IL1RAPL1: variants seen among roughly 807,000 people sequenced by gnomAD.
IL1RAPL1 encodes the protein interleukin-1 receptor accessory protein-like 1.
IL1RAPL1 carries 3 observed loss-of-function variants against 48.4 expected under a neutral mutation model. The observed-to-expected ratio is 0.06, with a 90% CI of 0.03 to 0.16. IL1RAPL1 has a LOEUF of 0.16. IL1RAPL1 is among the 10% of genes least tolerant of loss of function. IL1RAPL1 has a pLI of 1.00. For synonymous variants in IL1RAPL1, 185 were observed against 187.7 expected (o/e 0.99, Z 0.12); for missense variants, 349 against 530.6 (o/e 0.66, Z 3.36).
chrX:29,859,263 T>C (rs1931532060), intron 6 of IL1RAPL1, among the ~76,000 whole-genome samples: 1 of 111,957 alleles, frequency 8.9e-6, no homozygotes, highest in South Asian at 3.7e-4. Flanking sequence ...TAGGCTCAAC[T>C]ATTTATCCTC....
chrX:28,819,756 C>T (rs1433835740), intron 2 of IL1RAPL1, among the ~76,000 whole-genome samples: 1 of 107,028 alleles, frequency 9.3e-6, no homozygotes, highest in Admixed American at 1.0e-4. Context: ...AGGATAACTC[C>T]AGAGGCAAAA....
intron 5 of IL1RAPL1, among the ~76,000 whole-genome samples, chrX:29,561,954 C>T: frequency 9.0e-6 from 1 of 111,283 alleles, no homozygotes; most frequent in East Asian, 2.8e-4. Flanking sequence ...CTGGGAGAGA[C>T]AGTTATGTTT....
intron 6 of IL1RAPL1, among the ~76,000 whole-genome samples, chrX:29,797,888 CAAAA>C (rs1192815590): frequency 9.0e-6 from 1 of 110,881 alleles, no homozygotes; most frequent in African/African-American, 3.3e-5. Flanking sequence ...CAAAACAAAA[CAAAA>C]CAAAAACCAA....
At chrX:28,677,080 T>C (rs1935005934) in intron 1 of IL1RAPL1, among the ~76,000 whole-genome samples, 1 of 112,041 alleles carries the variant, frequency 8.9e-6, no homozygotes, top group Non-Finnish European at 1.9e-5. Context: ...ACATATAAAT[T>C]ATATTACTTA....
At chrX:29,857,567 C>T (rs1337456336) in intron 6 of IL1RAPL1, among the ~76,000 whole-genome samples, 1 of 111,894 alleles carries the variant, frequency 8.9e-6, no homozygotes, top group Non-Finnish European at 1.9e-5. Flanking sequence ...CTTATGCCTC[C>T]TTCATCTCCC....
In IL1RAPL1 at chrX:28,960,288, A is replaced by G. The variant is rs1333251545; in HGVS notation, c.82+170863A>G. 5.4e-5 allele frequency among the ~76,000 whole-genome samples: 6 copies of G among 111,553 alleles called. No individual in the cohort carries two copies. In the East Asian group the frequency reaches 1.7e-3, roughly 32 times the overall value. On this transcript the variant is annotated intron_variant, in intron 2 of 10. Transcript: ENST00000378993. The stretch of plus-strand genomic sequence containing the variant: ...TGACGTCATGATAAGTTCAAAAAGC[A>G]TTAGGAAAAGGGGGTTTAGCATTTT...
intron 6 of IL1RAPL1, among the ~76,000 whole-genome samples, chrX:29,786,730 G>T (rs756233106): frequency 1.1e-4 from 12 of 111,624 alleles, no homozygotes; most frequent in Admixed American, 2.9e-4. Context: ...GCAAATCAGG[G>T]TATCTTGACT....
intron 5 of IL1RAPL1, among the ~76,000 whole-genome samples, chrX:29,530,736 A>G (rs1935603991): frequency 8.9e-6 from 1 of 112,123 alleles, no homozygotes; most frequent in South Asian, 3.7e-4. Flanking sequence ...GTGAGGCAGA[A>G]ATCTGCTGAA....
intron 2 of IL1RAPL1, among the ~76,000 whole-genome samples, chrX:29,168,329 TTCCCAA>T (rs1929827661): frequency 9.3e-6 from 1 of 107,003 alleles, no homozygotes; most frequent in Non-Finnish European, 1.9e-5. Context: ...CTAATAACCT[TTCCCAA>T]GAACCCCCTC....
At chrX:29,372,489 G>C (rs757314100) in intron 3 of IL1RAPL1, among the ~76,000 whole-genome samples, 1 of 111,673 alleles carries the variant, frequency 9.0e-6, no homozygotes, top group East Asian at 2.8e-4. Context: ...TTATTTGTCA[G>C]TGCCCATGTT....
At chrX:28,678,683 C>T (rs1935026345) in intron 1 of IL1RAPL1, among the ~76,000 whole-genome samples, 1 of 111,267 alleles carries the variant, frequency 9.0e-6, no homozygotes, top group African/African-American at 3.3e-5. Context: ...CATGTTAACC[C>T]TGAAAGCTGA....
At chrX:28,936,515 G>C (rs1380291681) in intron 2 of IL1RAPL1, among the ~76,000 whole-genome samples, 1 of 110,188 alleles carries the variant, frequency 9.1e-6, no homozygotes, top group East Asian at 2.9e-4. Context: ...ATCTCAAAAA[G>C]TGAGCCCCTG....
chrX:28,991,823 C>T (rs908426023), intron 2 of IL1RAPL1, among the ~76,000 whole-genome samples: 13 of 111,969 alleles, frequency 1.2e-4, no homozygotes, highest in East Asian at 2.8e-4. Flanking sequence ...GCACAGGTAG[C>T]GTTTATTTAA....
chrX:28,782,925 C>T (rs1272301955), intron 1 of IL1RAPL1, among the ~76,000 whole-genome samples: 2 of 111,131 alleles, frequency 1.8e-5, no homozygotes, highest in Admixed American at 9.6e-5. Context: ...TATCATTGCT[C>T]TTTTTTTTCT....
intron 2 of IL1RAPL1, among the ~76,000 whole-genome samples, chrX:29,046,665 G>T (rs1363699227): frequency 1.8e-5 from 2 of 111,833 alleles, no homozygotes; most frequent in African/African-American, 6.5e-5. Context: ...TCCAGAATCA[G>T]TGATTGGCTT....
intron 2 of IL1RAPL1, among the ~76,000 whole-genome samples, chrX:29,080,972 CTTTCTTTCTT>C (rs1927802451): frequency 2.3e-5 from 1 of 43,405 alleles, no homozygotes; most frequent in East Asian, 1.0e-3. Flanking sequence ...TTCTTTCTTT[CTTTCTTTCTT>C]TCTTTCTTTC....
intron 1 of IL1RAPL1, among the ~76,000 whole-genome samples, chrX:28,747,098 G>T (rs947130626): frequency 7.2e-5 from 8 of 110,899 alleles, no homozygotes; most frequent in African/African-American, 2.6e-4. Context: ...CATCGCAAGA[G>T]CAGTAGAATG....
chrX:29,736,680 C>T (rs934355734), intron 6 of IL1RAPL1, among the ~76,000 whole-genome samples: 3 of 111,533 alleles, frequency 2.7e-5, no homozygotes, highest in South Asian at 3.8e-4. Flanking sequence ...GAGCCGAGAT[C>T]GTGCCAGTGC....
chrX:28,622,691 T>C (rs1376244024), intron 1 of IL1RAPL1, among the ~76,000 whole-genome samples: 1 of 112,156 alleles, frequency 8.9e-6, no homozygotes, highest in Non-Finnish European at 1.9e-5. Flanking sequence ...TCAAGTGAAT[T>C]GATTCTAATC....
Sources: allele counts gnomAD v4.1 joint callset (sites outside exome capture counted in the v4.1 genomes callset), GRCh38; gene constraint gnomAD v4.1.1; transcripts MANE v1.5; gene names NCBI Gene and HGNC (gene_info 2026-07-23, HGNC 2026-07-21).